RPGRIP1L: variants seen among roughly 807,000 people sequenced by gnomAD.
RPGRIP1L encodes protein fantom.
RPGRIP1L carries 131 observed loss-of-function variants against 160.4 expected under a neutral mutation model. The ratio of observed to expected loss-of-function variants is 0.82; its 90% CI spans 0.71 to 0.94. The LOEUF is 0.94. Among genes scored for constraint, RPGRIP1L ranks in the 40% least tolerant of loss-of-function variants. RPGRIP1L has a pLI of 0.00. For missense variants in RPGRIP1L, 1,522 were observed against 1,535.8 expected (o/e 0.99, Z 0.15); for synonymous variants, 510 against 515.8 (o/e 0.99, Z 0.15).
chr16:53,635,030 C>A (rs1965749750), intron 22 of RPGRIP1L, among the ~76,000 whole-genome samples: 1 of 152,006 alleles, frequency 6.6e-6, no homozygotes, highest in Non-Finnish European at 1.5e-5. Context: ...GTAGTGAAGA[C>A]CGTATCAGGC....
intron 3 of RPGRIP1L, chr16:53,693,366 T>C (rs1055610883): frequency 6.6e-6 from 1 of 152,250 alleles, no homozygotes; most frequent in Non-Finnish European, 1.5e-5. Context: ...CAGAAGCTTT[T>C]ACTTAAGGGA....
chr16:53,650,016 A>G (rs1966837970), intron 15 of RPGRIP1L, among the ~76,000 whole-genome samples: 1 of 152,152 alleles, frequency 6.6e-6, no homozygotes, highest in Non-Finnish European at 1.5e-5. Flanking sequence ...CTACTTTATC[A>G]ATTTTTTCCC....
rs538524550 is a variant in RPGRIP1L, at chr16:53,638,115, A to G, written c.3060+195T>C. ...TTTACATTAAGACTTTAATTCAAAT[A>G]TTCATATATTACCTGTCAATAGCAG... On this transcript the variant is annotated intron_variant, in intron 20 of 26. Transcript: ENST00000647211. 2.0e-5 allele frequency among the ~76,000 whole-genome samples: 3 copies of G among 152,262 alleles called. No individual in the cohort carries two copies. In the East Asian group the frequency reaches 5.8e-4, roughly 29 times the overall value.
Position 53,671,559 on chromosome 16 carries a change from C to T in RPGRIP1L, c.1054G>A (p.Glu352Lys). 1.9e-6 allele frequency: 3 copies of T among 1,563,704 alleles called. No individual in the cohort carries two copies. In the East Asian group the frequency reaches 6.8e-5, roughly 35 times the overall value. Reference protein sequence around the residue: ...EELQDRINDLEKERELLKENY... With the variant: ...EELQDRINDLKKERELLKENY... ...TCCTTTAAAAGTTCCCGTTCCTTTT[C>T]TAAATCATTAATTCTATCCTGCAGC... Residue 352 changes from glutamate (E) to lysine (K), a missense_variant, in exon 9 of 27, where the codon GAA becomes AAA. Transcript: ENST00000647211.
At chr16:53,677,931 G>A (rs369761163) in intron 6 of RPGRIP1L, among the ~76,000 whole-genome samples, 3 of 152,112 alleles carry the variant, frequency 2.0e-5, no homozygotes, top group Non-Finnish European at 2.9e-5. Context: ...ATAATGCATG[G>A]TAAAAACATT....
intron 6 of RPGRIP1L, among the ~76,000 whole-genome samples, 168 bp downstream of exon 6, chr16:53,686,265 T>C (rs1970006128): frequency 6.6e-6 from 1 of 152,240 alleles, no homozygotes; most frequent in African/African-American, 2.4e-5. Flanking sequence ...GTCTTTAGAC[T>C]AGAGTTCTTG....
At chr16:53,662,185 G>T (rs547958086) in intron 10 of RPGRIP1L, among the ~76,000 whole-genome samples, 1 of 152,184 alleles carries the variant, frequency 6.6e-6, no homozygotes, top group East Asian at 1.9e-4. Flanking sequence ...TAAGCAGACT[G>T]CAGAGAACAA....
At chr16:53,692,632 A>G (rs1280129578) in intron 3 of RPGRIP1L, among the ~76,000 whole-genome samples, 2 of 152,216 alleles carry the variant, frequency 1.3e-5, no homozygotes, top group Non-Finnish European at 2.9e-5. Context: ...TTTACTCCAT[A>G]TGTTCCTGAA....
At chr16:53,628,350 A>G (rs1277419421) in intron 22 of RPGRIP1L, 2 of 152,220 alleles carry the variant, frequency 1.3e-5, no homozygotes, top group Non-Finnish European at 2.9e-5. Context: ...TGGTATTGAC[A>G]GAGCCATATG....
chr16:53,691,112 T>G (rs1171687717), intron 4 of RPGRIP1L, among the ~76,000 whole-genome samples: 1 of 151,618 alleles, frequency 6.6e-6, no homozygotes, highest in Non-Finnish European at 1.5e-5. Context: ...GTTTTTCGTT[T>G]TTTTTTTTTT....
chr16:53,655,008 G>C (rs570893171), intron 14 of RPGRIP1L, among the ~76,000 whole-genome samples: 20 of 152,330 alleles, frequency 1.3e-4, no homozygotes, highest in African/African-American at 4.8e-4. Flanking sequence ...TTGGGGATCT[G>C]TGAGGTCACA....
intron 9 of RPGRIP1L, among the ~76,000 whole-genome samples, chr16:53,668,753 C>CTG (rs1968481391): frequency 6.6e-6 from 1 of 152,146 alleles, no homozygotes; most frequent in African/African-American, 2.4e-5. Flanking sequence ...GAGTTTCTCT[C>CTG]TGACCCAACA....
chr16:53,600,645 G>A lies in RPGRIP1L; in HGVS notation c.*1431C>T, dbSNP rs1963339636. 2.6e-5 allele frequency: 4 copies of A among 152,582 alleles called. No individual in the cohort carries two copies. Among genetic ancestry groups the A allele is most frequent in the African/African-American group, 9.7e-5 (4 of 41,426 alleles). 9.5% of individuals were successfully genotyped at this position (152,582 alleles called of 1,614,324 possible). A position where few individuals can be genotyped will look rare whatever the true frequency, so the allele number is the denominator to read the frequency against. On this transcript the variant is annotated 3_prime_UTR_variant, in exon 27 of 27. Coordinates refer to ENST00000647211, the MANE Select transcript of RPGRIP1L (RefSeq NM_015272.5). ...GCACAGATGGTTCAAACTATATGCA[G>A]ATATTCATACTTGCATTTTTGCATT...
rs182207372 is a variant in RPGRIP1L, at chr16:53,692,292, C to A, written c.303G>T (p.Arg101=). 2 of 1,614,128 alleles carry A rather than the reference C, an allele frequency of 1.2e-6. No individual in the cohort carries two copies. Among genetic ancestry groups the A allele is most frequent in the Admixed American group, 3.3e-5 (2 of 60,026 alleles). The part of the protein sequence containing the change: ...RYERVGGGPK[R]LGRDVEMEEM... ...CTTCCATTTCCACATCTCGTCCCAGCCGCTTGGGGCCGCCACCAACCCGCT... is the reference window on the plus strand; with the variant it reads ...CTTCCATTTCCACATCTCGTCCCAGACGCTTGGGGCCGCCACCAACCCGCT... The change falls in exon 4 of 27, where the codon CGG becomes CGT. Residue 101 remains arginine, a synonymous_variant. Coordinates refer to ENST00000647211, the MANE Select transcript of RPGRIP1L (RefSeq NM_015272.5).
rs1250771916 is a variant in RPGRIP1L at position 53,667,302 on chromosome 16, C to T, written c.1104-2293G>A. On this transcript the variant is annotated intron_variant, in intron 9 of 26. Transcript: ENST00000647211. ...GTAAATACACACCCTTGACCAAAAA[C>T]ATGATAAAGATCTAAATAAAGCCAA... Among the ~76,000 whole-genome samples, 3 of 152,186 alleles carry T rather than the reference C, an allele frequency of 2.0e-5. No homozygotes were observed. The East Asian group carries it at 5.8e-4, about 29-fold the overall frequency.
intron 2 of RPGRIP1L, among the ~76,000 whole-genome samples, chr16:53,697,534 G>A (rs1298203710): frequency 4.4e-5 from 6 of 137,508 alleles, no homozygotes; most frequent in African/African-American, 9.9e-5. Flanking sequence ...GCTGGTTTTC[G>A]TATTTTTTTG....
At chr16:53,686,929 T>C (rs1970059420) in intron 5 of RPGRIP1L, among the ~76,000 whole-genome samples, 1 of 152,178 alleles carries the variant, frequency 6.6e-6, no homozygotes, top group Non-Finnish European at 1.5e-5. Flanking sequence ...CATCTGCTTA[T>C]AACACCCAAA....
chr16:53,654,907 C>T (rs1035358988), intron 14 of RPGRIP1L, among the ~76,000 whole-genome samples: 3 of 152,166 alleles, frequency 2.0e-5, no homozygotes, highest in African/African-American at 4.8e-5. Flanking sequence ...AACCCTGCTT[C>T]GTCAGATAAA....
rs397945611 is a variant in RPGRIP1L at position 53,617,073 on chromosome 16, C to CAAAAAAAAAAAAAAAAAAAAAAA, written c.3616+1929_3616+1951dup. ...GGCAATAGCACCAGACCTTGCATCACAAAAAAAAAAAAAAAAAAAAAAAAA... is the reference window on the plus strand; with the variant it reads ...GGCAATAGCACCAGACCTTGCATCACAAAAAAAAAAAAAAAAAAAAAAAAAAAAAAAAAAAAAAAAAAAAAAAA... On this transcript the variant is annotated intron_variant, in intron 24 of 26. Transcript: ENST00000647211. Among the ~76,000 whole-genome samples, 14 of 21,848 alleles carry CAAAAAAAAAAAAAAAAAAAAAAA rather than the reference C, an allele frequency of 6.4e-4. 1 individual carries two copies. The highest frequency in any genetic ancestry group is 1.4e-3 in the Admixed American group (2 of 1,380). The allele number at this position is 21,848 out of a possible 152,430, so 14.3% of individuals were successfully genotyped here. A position where few individuals can be genotyped will look rare whatever the true frequency, so the allele number is the denominator to read the frequency against.
Sources: allele counts gnomAD v4.1 joint callset (sites outside exome capture counted in the v4.1 genomes callset), GRCh38; gene constraint gnomAD v4.1.1; transcripts MANE v1.5; gene names NCBI Gene and HGNC (gene_info 2026-07-23, HGNC 2026-07-21).